IQGAP2: variants seen among roughly 807,000 people sequenced by gnomAD.
The protein encoded by IQGAP2 is IQ motif containing GTPase activating protein 2.
A neutral mutation model predicts 201.3 loss-of-function variants in IQGAP2; 173 were observed. The observed-to-expected ratio is 0.86, with a 90% confidence interval of 0.76 to 0.98. The LOEUF is 0.98. Among genes scored for constraint, IQGAP2 ranks in the 50% least tolerant of loss-of-function variants. The pLI, the probability that IQGAP2 is intolerant of heterozygous loss-of-function variation, is 0.00. For missense variants in IQGAP2, 1,687 were observed against 1,864.8 expected (o/e 0.90, Z 1.76); for synonymous variants, 675 against 673.9 (o/e 1.00, Z -0.03).
intron 15 of IQGAP2, among the ~76,000 whole-genome samples, chr5:76,633,799 T>A (rs1750896032): frequency 6.6e-6 from 1 of 152,226 alleles, no homozygotes; most frequent in South Asian, 2.1e-4. Flanking sequence ...TAGCCTTTTG[T>A]GCCTGGCTTC....
intron 2 of IQGAP2, among the ~76,000 whole-genome samples, chr5:76,524,139 A>G (rs532785371): frequency 6.6e-6 from 1 of 152,302 alleles, no homozygotes; most frequent in African/African-American, 2.4e-5. Flanking sequence ...GGACAACCCA[A>G]CCTATTCCCA....
At chr5:76,574,247 G>A (rs1745316682) in intron 4 of IQGAP2, among the ~76,000 whole-genome samples, 2 of 152,186 alleles carry the variant, frequency 1.3e-5, no homozygotes, top group South Asian at 4.2e-4. Flanking sequence ...TGTGTGCTTA[G>A]GAACAGAGAA....
intron 1 of IQGAP2, among the ~76,000 whole-genome samples, chr5:76,420,129 G>A (rs1316297819): frequency 6.6e-6 from 1 of 152,144 alleles, no homozygotes; most frequent in Non-Finnish European, 1.5e-5. Flanking sequence ...AGGGGCTACA[G>A]TGTCCACCCT....
chr5:76,491,249 T>G (rs969044256), intron 2 of IQGAP2, among the ~76,000 whole-genome samples: 2 of 152,150 alleles, frequency 1.3e-5, no homozygotes, highest in Non-Finnish European at 2.9e-5. Context: ...TCTGGGTGTG[T>G]TTTGTTTGCT....
intron 33 of IQGAP2, among the ~76,000 whole-genome samples, chr5:76,698,648 T>C (rs548115132): frequency 7.9e-4 from 120 of 152,362 alleles, no homozygotes; most frequent in African/African-American, 2.8e-3. Context: ...ATAAGTATTA[T>C]AGGTTTTTAT....
intron 1 of IQGAP2, among the ~76,000 whole-genome samples, chr5:76,454,509 T>C (rs1753955714): frequency 6.8e-6 from 1 of 147,682 alleles, no homozygotes; most frequent in Non-Finnish European, 1.5e-5. Context: ...TTCTCATTGT[T>C]CATTTCCCAC....
At position 76,589,707 on chromosome 5, in the gene IQGAP2, C is replaced by T. The variant is rs1173132070; in HGVS notation, c.619C>T (p.Leu207=). ...AATAGGTGGTATTCTGGCCAATGAA[C>T]TGTCCGTGGATGAAGCTGCATGTAA... The part of the protein sequence containing the change: ...SKIGGILANE[L]SVDEAALHAA... Residue 207 remains leucine, a synonymous_variant, in exon 7 of 36, where the codon CTG becomes TTG. Transcript: ENST00000274364. The T allele has an allele frequency of 1.4e-5, 23 of 1,603,436 alleles. No homozygotes were observed. Among genetic ancestry groups the T allele is most frequent in the Non-Finnish European group, 1.7e-5 (20 of 1,174,394 alleles).
intron 17 of IQGAP2, among the ~76,000 whole-genome samples, chr5:76,645,841 A>C (rs1478151686): frequency 2.1e-5 from 3 of 141,932 alleles, no homozygotes; most frequent in Non-Finnish European, 3.1e-5. Context: ...AAAAAAAAAA[A>C]CAGAATGGAC....
chr5:76,436,496 TATATATATATATATATATATA>T (rs1347480126), intron 1 of IQGAP2, among the ~76,000 whole-genome samples: 59 of 19,090 alleles, frequency 3.1e-3, no homozygotes, highest in African/African-American at 0.016. Context: ...TATATATATA[TATATATATATATATATATATA>T]TTTTTTTTTT....
intron 17 of IQGAP2, among the ~76,000 whole-genome samples, chr5:76,644,601 G>C (rs1042120342): frequency 1.3e-5 from 2 of 152,008 alleles, no homozygotes; most frequent in African/African-American, 4.8e-5. Context: ...CACCTGGCCT[G>C]TAAATCCCAT....
rs535518232 is a variant in IQGAP2 at position 76,506,673 on chromosome 5, G to T, written c.146+45004G>T. Among the ~76,000 whole-genome samples, 30 of 152,298 alleles carry T rather than the reference G, an allele frequency of 2.0e-4. No individual in the cohort carries two copies. The South Asian group carries it at 6.2e-3, about 32-fold the overall frequency. On this transcript the variant is annotated intron_variant, in intron 2 of 35. Coordinates refer to ENST00000274364, the MANE Select transcript of IQGAP2 (RefSeq NM_006633.5). The stretch of plus-strand genomic sequence containing the variant: ...TGGAACTAACAAGTGATTATAGCAA[G>T]ATTGCAATGTAAAGATGAATACATA...
At chr5:76,538,505 C>T (rs1397259036) in intron 2 of IQGAP2, among the ~76,000 whole-genome samples, 1 of 152,192 alleles carries the variant, frequency 6.6e-6, no homozygotes, top group East Asian at 1.9e-4. Context: ...AGCCGGATTA[C>T]AATTCTGTTG....
intron 1 of IQGAP2, among the ~76,000 whole-genome samples, chr5:76,449,155 G>T (rs1488258802): frequency 1.3e-5 from 2 of 152,184 alleles, no homozygotes; most frequent in Non-Finnish European, 2.9e-5. Flanking sequence ...TGAAGGCTGA[G>T]GATTGGGACA....
chr5:76,673,102 T>C (rs1744499605), intron 24 of IQGAP2, among the ~76,000 whole-genome samples: 1 of 151,888 alleles, frequency 6.6e-6, no homozygotes, highest in Non-Finnish European at 1.5e-5. Flanking sequence ...AAAAGAAAAT[T>C]GGTTGTCCTC....
At chr5:76,594,092 C>T (rs1746847992) in intron 9 of IQGAP2, among the ~76,000 whole-genome samples, 1 of 152,158 alleles carries the variant, frequency 6.6e-6, no homozygotes, top group South Asian at 2.1e-4. Flanking sequence ...TTTTAGGGTG[C>T]ATGTGCCTGT....
At chr5:76,676,345 G>A (rs1398783763) in intron 27 of IQGAP2, among the ~76,000 whole-genome samples, 16 of 152,106 alleles carry the variant, frequency 1.1e-4, no homozygotes, top group Admixed American at 1.0e-3. Flanking sequence ...CTGTTACATG[G>A]GAACATGCTC....
intron 17 of IQGAP2, among the ~76,000 whole-genome samples, chr5:76,647,928 G>A (rs573536360): frequency 7.9e-5 from 12 of 152,200 alleles, no homozygotes; most frequent in South Asian, 4.1e-4. Context: ...CTCCTGGACT[G>A]TAATAAGGCA....
chr5:76,515,623 C>T (rs1368480047), intron 2 of IQGAP2, among the ~76,000 whole-genome samples: 1 of 152,128 alleles, frequency 6.6e-6, no homozygotes, highest in Admixed American at 6.6e-5. Flanking sequence ...AAATTTGTTT[C>T]TTATTTGCTT....
intron 35 of IQGAP2, among the ~76,000 whole-genome samples, chr5:76,703,323 T>C (rs1208134476): frequency 1.3e-5 from 2 of 152,208 alleles, no homozygotes; most frequent in East Asian, 3.9e-4. Context: ...ATCTGGCTAA[T>C]TTCTGTATTT....
Sources: gnomAD v4.1 joint callset for allele counts (sites outside exome capture counted in the v4.1 genomes callset) on GRCh38, gnomAD v4.1.1 for gene constraint, MANE v1.5 for transcripts, NCBI Gene and HGNC (gene_info 2026-07-23, HGNC 2026-07-21) for gene names.